The following DNMBP variants were observed in gnomAD, a reference collection of about 807,000 sequenced individuals.
DNMBP encodes dynamin binding protein, also known as dynamin-binding protein.
In DNMBP, 87 loss-of-function variants were observed where a neutral mutation model predicts 150.0. That is an observed-to-expected ratio of 0.58 (90% confidence interval 0.49 to 0.69). The LOEUF (loss-of-function observed/expected upper bound fraction) is 0.69, where lower values mean the gene tolerates loss of function less well. Ranked by LOEUF, DNMBP falls within the 30% of genes least tolerant of loss-of-function variation. The pLI is 0.00. For missense variants in DNMBP, 1,774 were observed against 1,949.0 expected, an observed-to-expected ratio of 0.91 and a Z score of 1.69; for synonymous variants, 711 against 750.4, an observed-to-expected ratio of 0.95 and a Z score of 0.86.
intron 1 of DNMBP, among the ~76,000 whole-genome samples, chr10:99,977,362 T>C (rs1352294253): frequency 6.6e-6 from 1 of 152,160 alleles, no homozygotes; most frequent in Non-Finnish European, 1.5e-5. Flanking sequence ...TTTGAAACAA[T>C]CATAAATGGC....
rs754487326 is a variant in DNMBP at position 99,877,016 on chromosome 10, G to T, written c.*135C>A. The T allele has an allele frequency of 8.7e-6, 6 of 688,704 alleles. No individual in the cohort carries two copies. The highest frequency in any genetic ancestry group is 1.5e-5 in the Non-Finnish European group (6 of 412,292). 42.7% of individuals were successfully genotyped at this position (688,704 alleles called of 1,614,324 possible). On this transcript the variant is annotated 3_prime_UTR_variant, in exon 17 of 17. Transcript: ENST00000324109. ...AATCGAGGAGAACAAGATCTGTGGT[G>T]TGCTCCACCATGCCATGGTTAAGCA...
intron 4 of DNMBP, among the ~76,000 whole-genome samples, chr10:99,954,322 G>A (rs999144585): frequency 1.3e-5 from 2 of 152,066 alleles, no homozygotes; most frequent in African/African-American, 4.8e-5. Flanking sequence ...ACAGGTGTGA[G>A]CCACCGCACC....
chr10:99,890,275 C>T (rs1361556291), intron 11 of DNMBP, among the ~76,000 whole-genome samples: 1 of 152,150 alleles, frequency 6.6e-6, no homozygotes, highest in Non-Finnish European at 1.5e-5. Flanking sequence ...AATTATCCAG[C>T]CAATGGCCCT....
chr10:99,908,867 T>C, intron 5 of DNMBP, 86 bp downstream of exon 5: 1 of 1,234,342 alleles, frequency 8.1e-7, no homozygotes. Flanking sequence ...ATCCAATAAA[T>C]CTGTGGCGAA....
At chr10:99,952,660 C>T (rs1180185560) in intron 4 of DNMBP, among the ~76,000 whole-genome samples, 1 of 152,186 alleles carries the variant, frequency 6.6e-6, no homozygotes, top group African/African-American at 2.4e-5. Flanking sequence ...TAGAACTCTG[C>T]CCACATGCAT....
rs1554857510 is a variant in DNMBP at position 99,879,101 on chromosome 10, A to AAAAAAAAAAAAAAAAAC, written c.4548+709_4548+710insGTTTTTTTTTTTTTTTT. ...CTCTGTCTCAAAAAAAAAAAAAAAA[A>AAAAAAAAAAAAAAAAAC]CCCAAAACGTTTGAGATACAAAGCC... On this transcript the variant is annotated intron_variant, in intron 16 of 16. Coordinates refer to ENST00000324109, the MANE Select transcript of DNMBP (RefSeq NM_015221.4). 1.4e-4 allele frequency among the ~76,000 whole-genome samples: 19 copies of AAAAAAAAAAAAAAAAAC among 135,162 alleles called. 2 individuals are homozygous for AAAAAAAAAAAAAAAAAC. Among genetic ancestry groups the AAAAAAAAAAAAAAAAAC allele is most frequent in the African/African-American group, 3.5e-4 (11 of 31,714 alleles). 88.7% of individuals were successfully genotyped at this position (135,162 alleles called of 152,430 possible).
rs531916306 is a variant in DNMBP, at chr10:99,969,855, G to A, written c.146-618C>T. ...CATCCCTCACCTGGATTACTGCAGC[G>A]ACCTTCCAAATGCTTCCCTGCCTTC... On this transcript the variant is annotated intron_variant, in intron 2 of 16. Transcript: ENST00000324109. 3.3e-5 allele frequency among the ~76,000 whole-genome samples: 5 copies of A among 152,166 alleles called. No individual in the cohort carries two copies. The East Asian group carries it at 7.7e-4, about 24-fold the overall frequency.
At chr10:99,981,447 G>T (rs1179457452) in intron 1 of DNMBP, among the ~76,000 whole-genome samples, 3 of 152,174 alleles carry the variant, frequency 2.0e-5, no homozygotes, top group Non-Finnish European at 4.4e-5. Context: ...CTCTCAAAGA[G>T]CTGGGATTAC....
Position 99,906,180 on chromosome 10 carries a change from G to C in DNMBP, c.2554+1815C>G, listed in dbSNP as rs139705947. On this transcript the variant is annotated intron_variant, in intron 6 of 16. Coordinates refer to ENST00000324109, the MANE Select transcript of DNMBP (RefSeq NM_015221.4). ...CTGTGTCCGTTTTTCTCCCAGGTGA[G>C]TCAGGTAAATTCCATCTAGTGTAAG... Among the ~76,000 whole-genome samples the C allele has an allele frequency of 7.8e-4, 118 of 152,210 alleles. 2 individuals carry two copies. Among genetic ancestry groups the C allele is most frequent in the African/African-American group, 2.8e-3 (116 of 41,512 alleles).
chr10:100,005,385 C>T (rs1454643640), intron 1 of DNMBP, among the ~76,000 whole-genome samples: 4 of 152,128 alleles, frequency 2.6e-5, no homozygotes, highest in Non-Finnish European at 5.9e-5. Flanking sequence ...CCAATGGATG[C>T]AAACAGCATG....
chr10:99,889,052 C>A, intron 11 of DNMBP, 99 bp from the exon 12 acceptor site: 2 of 1,404,172 alleles, frequency 1.4e-6, no homozygotes, highest in Non-Finnish European at 1.9e-6. Context: ...AAAATGAGTT[C>A]CATAATTTGA....
intron 4 of DNMBP, chr10:99,929,732 C>A (rs1161170392): frequency 5.7e-6 from 4 of 702,928 alleles, no homozygotes. Context: ...CCTCTAAATG[C>A]CAGATGTTCT....
chr10:99,885,306 C>A (rs144888449), intron 14 of DNMBP, among the ~76,000 whole-genome samples: 1 of 152,080 alleles, frequency 6.6e-6, no homozygotes, highest in Non-Finnish European at 1.5e-5. Flanking sequence ...GTCAAGAGAT[C>A]GAGACCACCC....
At position 100,000,960 on chromosome 10, in the gene DNMBP, C is replaced by T. The variant is rs573986366; in HGVS notation, c.-11+8878G>A. 1.4e-4 allele frequency among the ~76,000 whole-genome samples: 21 copies of T among 149,966 alleles called. No homozygotes were observed. The East Asian group carries it at 2.6e-3, about 18-fold the overall frequency. On this transcript the variant is annotated intron_variant, in intron 1 of 16. Coordinates refer to ENST00000324109, the MANE Select transcript of DNMBP (RefSeq NM_015221.4). ...CACTGGGGGAAAAAAGAGCCGGGCA[C>T]GGTGGCTCACGCCTGTAATCCCAGC...
chr10:99,930,542 ACT>A (rs1424161856), intron 4 of DNMBP: 1 of 702,822 alleles, frequency 1.4e-6, no homozygotes. Flanking sequence ...AGCTTGGTTC[ACT>A]CTGTTCAAAA....
At position 99,904,609 on chromosome 10, in the gene DNMBP, G is replaced by A. The variant is rs1229101705; in HGVS notation, c.2554+3386C>T. The stretch of plus-strand genomic sequence containing the variant: ...CACCGGCATGGTACTCTCAGTCTTG[G>A]CTCCCTCAAGCCCCACCACCCACCA... On this transcript the variant is annotated intron_variant, in intron 6 of 16. Transcript: ENST00000324109. Among the ~76,000 whole-genome samples, 3 of 151,996 alleles carry A rather than the reference G, an allele frequency of 2.0e-5. No individual in the cohort carries two copies. In the South Asian group the frequency reaches 6.2e-4, roughly 32 times the overall value.
Position 99,953,819 on chromosome 10 carries a change from A to AAAAAAAAG in DNMBP, c.2260+1394_2260+1395insCTTTTTTT, listed in dbSNP as rs1229016312. On this transcript the variant is annotated intron_variant, in intron 4 of 16. Transcript: ENST00000324109. Reference sequence around the variant, plus strand: ...ACAGAGTAAGACTCTGTCTCAAAAAAAAAAAGAAAAAAAAGAAATCTACTC... The same window carrying AAAAAAAAG: ...ACAGAGTAAGACTCTGTCTCAAAAAAAAAAAAAGAAAAAGAAAAAAAAGAAATCTACTC... 2.5e-4 allele frequency among the ~76,000 whole-genome samples: 33 copies of AAAAAAAAG among 133,506 alleles called. 1 individual carries two copies. The highest frequency in any genetic ancestry group is 5.0e-4 in the African/African-American group (17 of 34,004). 87.6% of individuals were successfully genotyped at this position (133,506 alleles called of 152,430 possible). A position where few individuals can be genotyped will look rare whatever the true frequency, so the allele number is the denominator to read the frequency against.
chr10:99,891,818 C>T (rs2039568622), intron 11 of DNMBP, among the ~76,000 whole-genome samples: 1 of 149,760 alleles, frequency 6.7e-6, no homozygotes, highest in Non-Finnish European at 1.5e-5. Context: ...AGCGCCTCTG[C>T]CCCGCCGCCC....
intron 1 of DNMBP, among the ~76,000 whole-genome samples, 192 bp downstream of exon 1, chr10:100,009,646 G>A (rs2041111546): frequency 6.6e-6 from 1 of 151,866 alleles, no homozygotes; most frequent in Non-Finnish European, 1.5e-5. Context: ...GCGCCCCACT[G>A]TCCCTCGCGG....
Sources: gnomAD v4.1 joint callset for allele counts (sites outside exome capture counted in the v4.1 genomes callset) on GRCh38, gnomAD v4.1.1 for gene constraint, MANE v1.5 for transcripts, NCBI Gene and HGNC (gene_info 2026-07-23, HGNC 2026-07-21) for gene names.